The following ULK2 variants were observed in gnomAD, a reference collection of about 807,000 sequenced individuals.
The protein encoded by ULK2 is serine/threonine-protein kinase ULK2.
Under a neutral mutation model 127.5 loss-of-function variants are expected in ULK2, and 76 were observed. The ratio of observed to expected loss-of-function variants is 0.60; its 90% confidence interval spans 0.50 to 0.72. The LOEUF (loss-of-function observed/expected upper bound fraction) is 0.72, where lower values mean the gene tolerates loss of function less well. Ranked by LOEUF, ULK2 falls within the 30% of genes least tolerant of loss-of-function variation. The pLI, the probability that ULK2 is intolerant of heterozygous loss-of-function variation, is 0.00. For missense variants in ULK2, 1,144 were observed against 1,295.9 expected (o/e 0.88, Z 1.80); for synonymous variants, 452 against 461.9 (o/e 0.98, Z 0.28).
intron 16 of ULK2, 127 bp from the exon 17 acceptor site, chr17:19,799,702 A>G (rs899575584): frequency 1.2e-6 from 1 of 848,008 alleles, no homozygotes; most frequent in African/African-American, 1.7e-5. Context: ...TTTAAGTAAC[A>G]AACGTTTAGT....
At chr17:19,818,489 T>C (rs2041050992) in intron 12 of ULK2, among the ~76,000 whole-genome samples, 1 of 152,164 alleles carries the variant, frequency 6.6e-6, no homozygotes, top group Non-Finnish European at 1.5e-5. Context: ...GCAGGAACTT[T>C]CCCAGTTTCT....
Position 19,799,576 on chromosome 17 carries a change from CT to C in ULK2, c.1442-2del. The C allele has an allele frequency of 9.4e-7, 1 of 1,063,944 alleles. No homozygotes were observed. The highest frequency in any genetic ancestry group is 3.0e-5 in the African/African-American group (1 of 33,526). 65.9% of individuals were successfully genotyped at this position (1,063,944 alleles called of 1,614,324 possible). ...CTGAATTGCTCAGGAATGGTACCAA[CT>C]ACAAAAAAAAAAAAAAAAAAGATGG... On this transcript the variant is annotated splice_acceptor_variant, in intron 16 of 26. Coordinates refer to ENST00000395544, the MANE Select transcript of ULK2 (RefSeq NM_014683.4). LOFTEE classifies it high-confidence loss of function.
At chr17:19,814,451 T>A (rs1380226971) in intron 13 of ULK2, among the ~76,000 whole-genome samples, 1,048 of 67,314 alleles carry the variant, frequency 0.016, 62 homozygotes, top group African/African-American at 0.062. Context: ...TTTTTTTTTT[T>A]TTTTTTTTTT....
intron 14 of ULK2, among the ~76,000 whole-genome samples, chr17:19,806,604 C>T (rs549340428): frequency 6.6e-6 from 1 of 152,246 alleles, no homozygotes; most frequent in East Asian, 1.9e-4. Context: ...GAAAGTCTTC[C>T]CTGGACAAAT....
chr17:19,825,191 A>C lies in ULK2; in HGVS notation c.836-9T>G, dbSNP rs376264561. ...CACTGGAACTGGGCAAGCTAGGGGA[A>C]GAAACACAAATGAACTACATCATTT... On this transcript the variant is annotated splice_polypyrimidine_tract_variant and intron_variant, in intron 11 of 26. Transcript: ENST00000395544. 47 of 1,613,394 alleles carry C rather than the reference A, an allele frequency of 2.9e-5. No individual in the cohort carries two copies. The highest frequency in any genetic ancestry group is 3.6e-5 in the Non-Finnish European group (42 of 1,179,576).
Position 19,797,602 on chromosome 17 carries a change from T to C in ULK2, c.1603A>G (p.Ile535Val). The C allele has an allele frequency of 6.2e-7, 1 of 1,613,646 alleles. No individual in the cohort carries two copies. Among genetic ancestry groups the C allele is most frequent in the Non-Finnish European group, 8.5e-7 (1 of 1,179,898 alleles). The change falls in exon 18 of 27, where the codon ATC (isoleucine) becomes GTC (valine). Residue 535 changes from isoleucine to valine, a missense_variant. Transcript: ENST00000395544. ...RLQSAPTLTD[I>V]YQNKQKLRKQ... is the part of the protein sequence containing the mutation. The stretch of plus-strand genomic sequence containing the variant: ...CTGAGCTTCTGCTTGTTCTGATAGA[T>C]GTCAGTGAGGGTGGGGGCGCTCTGC...
chr17:19,832,319 G>T (rs922074547), intron 10 of ULK2, among the ~76,000 whole-genome samples: 1 of 150,954 alleles, frequency 6.6e-6, no homozygotes, highest in Non-Finnish European at 1.5e-5. Flanking sequence ...CCCAGGCTGG[G>T]TGCAGTGGCA....
rs149708645 is a variant in ULK2 at position 19,796,141 on chromosome 17, T to G, written c.1951A>C (p.Ser651Arg). The change falls in exon 19 of 27, where the codon AGT (serine) becomes CGT (arginine). Residue 651 changes from serine to arginine, a missense_variant. Around this residue, in one of 2 missense-constraint regions of ULK2, gnomAD observed 913 missense variants for 970.5 expected, o/e 0.94. Transcript: ENST00000395544. ...ECAHCLLVQGSERQRAEQQSK... is the reference protein window; with the variant it reads ...ECAHCLLVQGRERQRAEQQSK... ...TGCTGCTCGGCCCGCTGCCTCTCAC[T>G]TCCTTGCACTAAGAGGCAATGGGCA... The G allele has an allele frequency of 6.2e-7, 1 of 1,614,042 alleles. No individual in the cohort carries two copies. Among genetic ancestry groups the G allele is most frequent in the Admixed American group, 1.7e-5 (1 of 59,976 alleles).
intron 13 of ULK2, among the ~76,000 whole-genome samples, chr17:19,814,442 T>A (rs867910480): frequency 0.035 from 395 of 11,212 alleles, 9 homozygotes; most frequent in African/African-American, 0.11. Context: ...ATATATATTT[T>A]TTTTTTTTTT....
rs185720299 is a variant in ULK2 at position 19,860,752 on chromosome 17, G to A, written c.225+4051C>T. 6.0e-4 allele frequency among the ~76,000 whole-genome samples: 92 copies of A among 152,142 alleles called. 1 individual carries two copies. In the East Asian group the frequency reaches 0.014, roughly 23 times the overall value. ...TTGGTCACGCTGGTCTCAAACTCCT[G>A]ACCTCAGATGATCTGCCTGCCTCGG... On this transcript the variant is annotated intron_variant, in intron 3 of 26. Transcript: ENST00000395544.
At chr17:19,862,241 C>T (rs552400492) in intron 3 of ULK2, among the ~76,000 whole-genome samples, 6 of 151,802 alleles carry the variant, frequency 4.0e-5, no homozygotes, top group African/African-American at 1.5e-4. Flanking sequence ...GGATTACAGG[C>T]ACCTGCCACC....
intron 17 of ULK2, among the ~76,000 whole-genome samples, chr17:19,798,707 T>C (rs1044932526): frequency 2.0e-5 from 3 of 152,218 alleles, no homozygotes; most frequent in Non-Finnish European, 2.9e-5. Flanking sequence ...ACAGGATTCC[T>C]TTAACTGGCC....
intron 20 of ULK2, among the ~76,000 whole-genome samples, chr17:19,794,107 G>A (rs1385488812): frequency 6.6e-6 from 1 of 152,084 alleles, no homozygotes; most frequent in Non-Finnish European, 1.5e-5. Flanking sequence ...ACTGGACTTT[G>A]CCAAGGAAAG....
intron 20 of ULK2, among the ~76,000 whole-genome samples, chr17:19,790,976 C>T (rs1597719315): frequency 6.6e-6 from 1 of 152,138 alleles, no homozygotes; most frequent in Non-Finnish European, 1.5e-5. Context: ...TAGATATATA[C>T]GCACCCTACA....
chr17:19,808,382 T>C (rs182410728), intron 14 of ULK2, among the ~76,000 whole-genome samples: 4 of 152,296 alleles, frequency 2.6e-5, no homozygotes, highest in Admixed American at 2.6e-4. Context: ...CAATGATTTC[T>C]TGAATATGAT....
chr17:19,781,233 C>CT (rs2086912727), intron 23 of ULK2, 129 bp from the exon 24 acceptor site: 1 of 546,536 alleles, frequency 1.8e-6, no homozygotes, highest in Non-Finnish European at 3.1e-6. Context: ...TTCTTTTCTT[C>CT]TTTCTTTTCT....
intron 20 of ULK2, 100 bp from the exon 21 acceptor site, chr17:19,786,186 G>GT: frequency 8.6e-7 from 1 of 1,161,106 alleles, no homozygotes; most frequent in African/African-American, 1.6e-5. Flanking sequence ...CAGGAGTCTA[G>GT]TGGTTTTTTT....
chr17:19,837,784 T>C (rs1399615605), intron 10 of ULK2, among the ~76,000 whole-genome samples: 4 of 152,216 alleles, frequency 2.6e-5, no homozygotes, highest in Non-Finnish European at 5.9e-5. Context: ...TAGTCAAAGC[T>C]ACACTCATCT....
chr17:19,841,412 TACACAAA>T, intron 9 of ULK2, 70 bp downstream of exon 9: 1 of 1,372,692 alleles, frequency 7.3e-7, no homozygotes, highest in Non-Finnish European at 1.0e-6. Flanking sequence ...AAAATGAGAA[TACACAAA>T]ACACAAACAG....
Sources: allele counts gnomAD v4.1 joint callset (sites outside exome capture counted in the v4.1 genomes callset), GRCh38; gene constraint gnomAD v4.1.1; regional missense constraint gnomAD v4.1.1; transcripts MANE v1.5; gene names NCBI Gene and HGNC (gene_info 2026-07-23, HGNC 2026-07-21).